The following KLHL28 variants were observed in gnomAD, a reference collection of about 807,000 sequenced individuals.
KLHL28 encodes kelch like family member 28.
In KLHL28, 22 loss-of-function variants were observed where a neutral mutation model predicts 48.3. That is an observed-to-expected ratio of 0.46 (90% CI 0.33 to 0.65). The LOEUF (loss-of-function observed/expected upper bound fraction) is 0.65, where lower values mean the gene tolerates loss of function less well. Among genes scored for constraint, KLHL28 ranks in the 30% least tolerant of loss-of-function variants. KLHL28 has a pLI of 0.03. For synonymous variants in KLHL28, 243 were observed against 242.4 expected (o/e 1.00, Z -0.02); for missense variants, 527 against 704.3 (o/e 0.75, Z 2.85).
intron 2 of KLHL28, among the ~76,000 whole-genome samples, chr14:44,942,314 T>C (rs904857915): frequency 2.0e-5 from 3 of 152,188 alleles, no homozygotes. Context: ...AAACATTTTT[T>C]AAAATGAATG....
chr14:44,950,771 G>A (rs1431202633), intron 1 of KLHL28, among the ~76,000 whole-genome samples: 1 of 152,164 alleles, frequency 6.6e-6, no homozygotes, highest in Non-Finnish European at 1.5e-5. Context: ...TGGTACATAA[G>A]CACTCAGTAA....
At chr14:44,959,265 T>C (rs1201619020) in intron 1 of KLHL28, 1 of 152,112 alleles carries the variant, frequency 6.6e-6, no homozygotes, top group Non-Finnish European at 1.5e-5. Flanking sequence ...CATAAAATGT[T>C]CCATAGTCCA....
In KLHL28 at chr14:44,945,646, T is replaced by C. The variant is rs1884299724; in HGVS notation, c.283A>G (p.Thr95Ala). 3 of 1,614,068 alleles carry C rather than the reference T, an allele frequency of 1.9e-6. No individual in the cohort carries two copies. Residue 95 changes from threonine (T) to alanine (A), a missense_variant, in exon 2 of 5, where the codon ACA (threonine) becomes GCA (alanine). By Grantham distance (58) the Thr-to-Ala change is moderately conservative. Coordinates refer to ENST00000396128, the MANE Select transcript of KLHL28 (RefSeq NM_017658.5). ...TCCTGAGAAATAAAAACAGTCCCTG[T>C]ATAGGCATACTCCACAATGGCCTGG... is the stretch of plus-strand genomic sequence containing the variant. ...ALQAIVEYAY[T>A]GTVFISQDTV...
Position 44,934,249 on chromosome 14 carries a change from T to C in KLHL28, c.1209A>G (p.Val403=), listed in dbSNP as rs748838457. The change falls in exon 3 of 5, where the codon GTA becomes GTG. Residue 403 remains valine, a synonymous_variant. Transcript: ENST00000396128. ...GYDGQSYLQS[V]EKYIPKIRKW... is the part of the protein sequence containing the mutation. ...TTCTTATTTTGGGAATGTACTTCTC[T>C]ACAGATTGTAAATAAGATTGTCCAT... The C allele has an allele frequency of 1.1e-5, 18 of 1,614,166 alleles. No homozygotes were observed. The highest frequency in any genetic ancestry group is 1.7e-5 in the Admixed American group (1 of 60,012).
rs1294734850 is a variant in KLHL28, at chr14:44,931,514, G to C, written c.1371C>G (p.Asp457Glu). ...CCATGGATGCAACCATCTCCCAGGAGTCCTTACTTGGATCATAACGCTCCA... is the reference window on the plus strand; with the variant it reads ...CCATGGATGCAACCATCTCCCAGGACTCCTTACTTGGATCATAACGCTCCA... ...NSVERYDPSK[D>E]SWEMVASMAD... Residue 457 changes from aspartate to glutamate, a missense_variant, in exon 4 of 5, where the codon GAC becomes GAG. Transcript: ENST00000396128. The C allele has an allele frequency of 6.2e-7, 1 of 1,613,502 alleles. No individual in the cohort carries two copies. The highest frequency in any genetic ancestry group is 1.1e-5 in the South Asian group (1 of 91,066).
rs1315141737 is a variant in KLHL28, at chr14:44,926,658, C to G, written c.*2370G>C. 6.6e-6 allele frequency: 1 copy of G among 152,156 alleles called. No homozygotes were observed. The highest frequency in any genetic ancestry group is 6.6e-5 in the Admixed American group (1 of 15,264). The allele number at this position is 152,156 out of a possible 1,614,324, so 9.4% of individuals were successfully genotyped here. Reference sequence around the variant, plus strand: ...AGTAGCTGGGATTACAGGTACCTGCCACAATGCCCAGCTAATTTTTTGTAT... The same window carrying G: ...AGTAGCTGGGATTACAGGTACCTGCGACAATGCCCAGCTAATTTTTTGTAT... On this transcript the variant is annotated 3_prime_UTR_variant, in exon 5 of 5. Transcript: ENST00000396128.
At chr14:44,946,574 T>A (rs1399764481) in intron 1 of KLHL28, among the ~76,000 whole-genome samples, 1 of 140,978 alleles carries the variant, frequency 7.1e-6, no homozygotes, top group Non-Finnish European at 1.5e-5. Flanking sequence ...TTTTTTTTTT[T>A]AAGATGGAAT....
chr14:44,939,410 C>CT (rs1237483181), intron 2 of KLHL28, among the ~76,000 whole-genome samples: 1 of 152,184 alleles, frequency 6.6e-6, no homozygotes, highest in Non-Finnish European at 1.5e-5. Context: ...TAAAAGATAC[C>CT]TTTTCACTTT....
At chr14:44,951,301 A>C (rs546363340) in intron 1 of KLHL28, among the ~76,000 whole-genome samples, 1 of 152,240 alleles carries the variant, frequency 6.6e-6, no homozygotes, top group Admixed American at 6.5e-5. Flanking sequence ...GAGGCCTCTC[A>C]CTCTCTCATA....
At chr14:44,952,045 GA>G (rs1323408918) in intron 1 of KLHL28, among the ~76,000 whole-genome samples, 2 of 151,942 alleles carry the variant, frequency 1.3e-5, no homozygotes, top group African/African-American at 4.8e-5. Flanking sequence ...TTTTTTTGTA[GA>G]GAAGGAGTTT....
At chr14:44,943,447 C>T (rs1337469129) in intron 2 of KLHL28, among the ~76,000 whole-genome samples, 1 of 152,126 alleles carries the variant, frequency 6.6e-6, no homozygotes, top group Non-Finnish European at 1.5e-5. Context: ...CACCTGAGGT[C>T]AGGAGTTTGA....
At chr14:44,944,785 G>A (rs1184121672) in intron 2 of KLHL28, among the ~76,000 whole-genome samples, 1 of 152,150 alleles carries the variant, frequency 6.6e-6, no homozygotes, top group Non-Finnish European at 1.5e-5. Flanking sequence ...ATAAAAGTTT[G>A]TGAGTAACCA....
chr14:44,950,053 A>G (rs1344289253), intron 1 of KLHL28, among the ~76,000 whole-genome samples: 1 of 152,100 alleles, frequency 6.6e-6, no homozygotes, highest in East Asian at 1.9e-4. Context: ...GAGTCTGGGA[A>G]AAAAGGAGGT....
At chr14:44,950,524 T>A (rs560633500) in intron 1 of KLHL28, among the ~76,000 whole-genome samples, 10 of 152,266 alleles carry the variant, frequency 6.6e-5, no homozygotes, top group Non-Finnish European at 1.5e-4. Flanking sequence ...GGTCTGTAAA[T>A]ACACACATAC....
chr14:44,930,303 T>G (rs1883528682), intron 4 of KLHL28, among the ~76,000 whole-genome samples: 3 of 152,220 alleles, frequency 2.0e-5, no homozygotes, highest in Admixed American at 2.0e-4. Flanking sequence ...GAAACTTTTT[T>G]TTTTGAGATG....
In KLHL28 at chr14:44,934,368, T is replaced by G. The variant is rs1241033260; in HGVS notation, c.1090A>C (p.Asn364His). The change falls in exon 3 of 5, where the codon AAT becomes CAT. Residue 364 changes from asparagine to histidine, a missense_variant. Transcript: ENST00000396128. ...ATTCTCTCTAGAGAAGTCCAAGTAT[T>G]TGTATCAGGATTCCAGCATTCCACT... ...NSVECWNPDTNTWTSLERMNE... is the reference protein window; with the variant it reads ...NSVECWNPDTHTWTSLERMNE... 1 of 1,614,030 alleles carries G rather than the reference T, an allele frequency of 6.2e-7. No individual in the cohort carries two copies. The highest frequency in any genetic ancestry group is 1.3e-5 in the African/African-American group (1 of 74,926).
chr14:44,929,579 T>C (rs2138577632), intron 4 of KLHL28, among the ~76,000 whole-genome samples: 1 of 152,356 alleles, frequency 6.6e-6, no homozygotes, highest in African/African-American at 2.4e-5. Context: ...ATTACATATA[T>C]AGGGTTTGGT....
chr14:44,961,097 A>C (rs1885064092), intron 1 of KLHL28: 2 of 430,424 alleles, frequency 4.6e-6, no homozygotes, highest in African/African-American at 4.0e-5. Context: ...ACTTATGAGG[A>C]GAAAATGCAC....
chr14:44,960,246 C>A (rs73346337), intron 1 of KLHL28, among the ~76,000 whole-genome samples: 2 of 152,296 alleles, frequency 1.3e-5, no homozygotes, highest in South Asian at 4.1e-4. Flanking sequence ...TTAAGACTTT[C>A]GAAGTTCCTT....
Sources: gnomAD v4.1 joint callset for allele counts (sites outside exome capture counted in the v4.1 genomes callset) on GRCh38, gnomAD v4.1.1 for gene constraint, MANE v1.5 for transcripts, NCBI Gene and HGNC (gene_info 2026-07-23, HGNC 2026-07-21) for gene names.